Variants in MAN1A1 observed in about 807,000 individuals in gnomAD.
The protein encoded by MAN1A1 is mannosidase alpha class 1A member 1.
In MAN1A1, 29 loss-of-function variants were observed where a neutral mutation model predicts 70.8. The ratio of observed to expected loss-of-function variants is 0.41; its 90% CI spans 0.31 to 0.56. The LOEUF (loss-of-function observed/expected upper bound fraction) is 0.56. Among genes scored for constraint, MAN1A1 ranks in the 20% least tolerant of loss-of-function variants. The pLI is 0.29. For missense variants in MAN1A1, 747 were observed against 841.3 expected, an observed-to-expected ratio of 0.89 and a Z score of 1.39; for synonymous variants, 349 against 330.1, an observed-to-expected ratio of 1.06 and a Z score of -0.62.
intron 5 of MAN1A1, among the ~76,000 whole-genome samples, chr6:119,278,615 T>A (rs1274139268): frequency 6.6e-6 from 1 of 152,160 alleles, no homozygotes. Context: ...GCATCGTCAG[T>A]GATAATAGAT....
At chr6:119,292,501 T>C (rs1029337026) in intron 4 of MAN1A1, among the ~76,000 whole-genome samples, 8 of 152,004 alleles carry the variant, frequency 5.3e-5, no homozygotes, top group Middle Eastern at 3.2e-3. Flanking sequence ...TCAAGCTCAC[T>C]TGAGTCTACA....
chr6:119,299,864 T>G (rs949337987), intron 4 of MAN1A1, among the ~76,000 whole-genome samples: 1 of 152,150 alleles, frequency 6.6e-6, no homozygotes, highest in African/African-American at 2.4e-5. Context: ...TCATTTTAAA[T>G]AAAACTGCTC....
chr6:119,215,822 T>C (rs978546016), intron 6 of MAN1A1, among the ~76,000 whole-genome samples: 4 of 152,192 alleles, frequency 2.6e-5, no homozygotes, highest in African/African-American at 4.8e-5. Context: ...ATGTGAAAAA[T>C]GGCAAAACTG....
At chr6:119,288,316 T>C (rs1409107166) in intron 5 of MAN1A1, among the ~76,000 whole-genome samples, 1 of 151,956 alleles carries the variant, frequency 6.6e-6, no homozygotes, top group Non-Finnish European at 1.5e-5. Context: ...AGTCCCTCTA[T>C]GAGATACATA....
At chr6:119,184,426 A>G (rs761556796) in intron 11 of MAN1A1, among the ~76,000 whole-genome samples, 8 of 152,186 alleles carry the variant, frequency 5.3e-5, no homozygotes, top group Non-Finnish European at 1.2e-4. Flanking sequence ...CAGAGGACAG[A>G]AGAGTATTCT....
intron 6 of MAN1A1, among the ~76,000 whole-genome samples, chr6:119,228,172 T>C (rs1774572519): frequency 6.6e-6 from 1 of 152,228 alleles, no homozygotes; most frequent in Non-Finnish European, 1.5e-5. Flanking sequence ...TAATACAGTT[T>C]TGTAGTAATT....
At chr6:119,291,184 C>T (rs1011391466) in intron 4 of MAN1A1, among the ~76,000 whole-genome samples, 1 of 151,920 alleles carries the variant, frequency 6.6e-6, no homozygotes, top group African/African-American at 2.4e-5. Flanking sequence ...ATAAGTCTCA[C>T]AAGATCTGAT....
chr6:119,190,063 CTTAT>C (rs1455543249), intron 9 of MAN1A1, among the ~76,000 whole-genome samples, 180 bp from the exon 10 acceptor site: 6 of 152,234 alleles, frequency 3.9e-5, no homozygotes, highest in South Asian at 2.1e-4. Context: ...TAGTTTATGC[CTTAT>C]TTGTTTGATT....
At chr6:119,216,829 A>G (rs1242041441) in intron 6 of MAN1A1, among the ~76,000 whole-genome samples, 1 of 152,226 alleles carries the variant, frequency 6.6e-6, no homozygotes, top group Non-Finnish European at 1.5e-5. Flanking sequence ...GTAAACATGA[A>G]TGGAAGTATA....
intron 6 of MAN1A1, among the ~76,000 whole-genome samples, chr6:119,241,998 G>C (rs1280006801): frequency 3.3e-5 from 5 of 151,442 alleles, no homozygotes; most frequent in Non-Finnish European, 4.4e-5. Flanking sequence ...ATATATATTA[G>C]AATCCCAGTT....
rs974023438 is a variant in MAN1A1, at chr6:119,186,056, T to C, written c.1719+2349A>G. 3.3e-5 allele frequency among the ~76,000 whole-genome samples: 5 copies of C among 152,074 alleles called. No individual in the cohort carries two copies. The East Asian group carries it at 9.7e-4, about 29-fold the overall frequency. ...GCAGAACCTGCTGTCTTCGGATAAT[T>C]GAGGAGCTGAAATGCAGAAGGGAGA... is the stretch of plus-strand genomic sequence containing the variant. On this transcript the variant is annotated intron_variant, in intron 11 of 12. Transcript: ENST00000368468.
intron 11 of MAN1A1, among the ~76,000 whole-genome samples, chr6:119,185,681 A>G (rs908151768): frequency 9.9e-5 from 15 of 151,706 alleles, no homozygotes; most frequent in Non-Finnish European, 1.9e-4. Context: ...GGTTCATGCC[A>G]TTCTCCTGCC....
intron 5 of MAN1A1, among the ~76,000 whole-genome samples, chr6:119,261,180 C>T (rs1229974895): frequency 1.3e-5 from 2 of 151,816 alleles, no homozygotes; most frequent in Non-Finnish European, 2.9e-5. Context: ...GGGGTTTCAC[C>T]GTGTTGGCCA....
intron 5 of MAN1A1, among the ~76,000 whole-genome samples, chr6:119,272,850 G>A (rs1333286039): frequency 6.6e-6 from 1 of 152,090 alleles, no homozygotes; most frequent in Admixed American, 6.5e-5. Flanking sequence ...ACTGTGCAAG[G>A]ATTTATGACC....
intron 5 of MAN1A1, among the ~76,000 whole-genome samples, chr6:119,268,942 A>G (rs930761561): frequency 9.9e-5 from 15 of 152,114 alleles, no homozygotes; most frequent in African/African-American, 3.4e-4. Flanking sequence ...ACGCCTGAAC[A>G]ATTCTTAGAG....
At chr6:119,201,369 T>C (rs368953501) in intron 7 of MAN1A1, 22 bp from the exon 8 acceptor site, 93 of 1,540,076 alleles carry the variant, frequency 6.0e-5, no homozygotes, top group Non-Finnish European at 7.8e-5. Context: ...AATAAAATGT[T>C]ACCGTGAAAA....
chr6:119,264,119 A>G (rs1775685137), intron 5 of MAN1A1, among the ~76,000 whole-genome samples: 1 of 152,228 alleles, frequency 6.6e-6, no homozygotes, highest in South Asian at 2.1e-4. Context: ...GGTTCCCAAA[A>G]TGTGGTCCTC....
intron 2 of MAN1A1, among the ~76,000 whole-genome samples, chr6:119,341,774 T>C (rs1367902216): frequency 6.6e-6 from 1 of 152,192 alleles, no homozygotes; most frequent in Non-Finnish European, 1.5e-5. Context: ...TGAAATTCAC[T>C]TTACTCGATC....
intron 11 of MAN1A1, among the ~76,000 whole-genome samples, chr6:119,184,635 G>A (rs1461862904): frequency 6.6e-6 from 1 of 151,846 alleles, no homozygotes; most frequent in Non-Finnish European, 1.5e-5. Context: ...ATGTCTGAGT[G>A]GAAAAGGTTA....
Sources: allele counts gnomAD v4.1 joint callset (sites outside exome capture counted in the v4.1 genomes callset), GRCh38; gene constraint gnomAD v4.1.1; transcripts MANE v1.5; gene names NCBI Gene and HGNC (gene_info 2026-07-23, HGNC 2026-07-21).